C12orf76: variants seen among roughly 807,000 people sequenced by gnomAD.
C12orf76 encodes uncharacterized protein C12orf76.
Under a neutral mutation model 6.8 loss-of-function variants are expected in C12orf76, and 6 were observed. The ratio of observed to expected loss-of-function variants is 0.88; its 90% CI spans 0.48 to 1.73. C12orf76 has a LOEUF of 1.73. C12orf76 is among the 40% of genes most tolerant of loss of function. The pLI is 0.01. For missense variants in C12orf76, 99 were observed against 98.2 expected (o/e 1.01, Z -0.03); for synonymous variants, 56 against 43.7 (o/e 1.28, Z -1.11).
upstream of C12orf76, among the ~76,000 whole-genome samples, chr12:110,068,286 GAAGAAGA>G (rs1892909912): frequency 7.0e-6 from 1 of 143,390 alleles, no homozygotes; most frequent in African/African-American, 2.5e-5. Flanking sequence ...AGAAGAAGAA[GAAGAAGA>G]AGAAGAAGAA....
upstream of C12orf76, among the ~76,000 whole-genome samples, chr12:110,068,322 GAA>G (rs1566080303): frequency 2.7e-3 from 375 of 139,266 alleles, 4 homozygotes; most frequent in African/African-American, 8.7e-3. Flanking sequence ...AGAAGAAGAA[GAA>G]GAAGAAGGCG....
intron 1 of C12orf76, among the ~76,000 whole-genome samples, chr12:110,047,755 T>C (rs551475528): frequency 3.9e-5 from 6 of 152,336 alleles, no homozygotes; most frequent in Admixed American, 3.3e-4. Context: ...AATTCGCGTA[T>C]ACAAAGTGCG....
exon 3 of C12orf76, chr12:110,059,064 G>A (rs1389022458): frequency 9.0e-6 from 14 of 1,551,560 alleles, no homozygotes; most frequent in Middle Eastern, 1.7e-4. Flanking sequence ...AAACAGCAGC[G>A]CCAGCTCTGA....
exon 1 of C12orf76, chr12:110,073,495 TG>T: frequency 1.9e-6 from 1 of 522,150 alleles, no homozygotes; most frequent in Non-Finnish European, 3.8e-6. Context: ...CGGGCGACTT[TG>T]TTTGTCTCAT....
At position 110,061,698 on chromosome 12, in the gene C12orf76, A is replaced by G. The variant is rs927303862; in HGVS notation, n.381-2535T>C. On this transcript the variant is annotated intron_variant and non_coding_transcript_variant, in intron 2 of 4. Coordinates refer to the C12orf76 transcript ENST00000309050. ...ATTACAGGCATCTGCCCCCACGCTC[A>G]GCTAATTTTTGTAGTTTTTAGTAGA... 3.9e-5 allele frequency among the ~76,000 whole-genome samples: 6 copies of G among 152,036 alleles called. No homozygotes were observed. The South Asian group carries it at 1.2e-3, about 32-fold the overall frequency.
intron 3 of C12orf76, chr12:110,058,935 C>CA: frequency 6.8e-7 from 1 of 1,475,134 alleles, no homozygotes; most frequent in Non-Finnish European, 9.0e-7. Context: ...TACTCCCCCC[C>CA]ACCAAAAAAA....
upstream of C12orf76, among the ~76,000 whole-genome samples, chr12:110,053,942 G>C (rs932694361): frequency 6.6e-6 from 1 of 152,038 alleles, no homozygotes; most frequent in African/African-American, 2.4e-5. Flanking sequence ...AAATTAGCTG[G>C]GTGTGGTGGC....
At chr12:110,067,487 T>C in intron 1 of C12orf76, 1 of 985,428 alleles carries the variant, frequency 1.0e-6, no homozygotes, top group Non-Finnish European at 1.2e-6. Flanking sequence ...TTTGTCTGCC[T>C]ACCCTCCTCA....
upstream of C12orf76, among the ~76,000 whole-genome samples, chr12:110,068,251 A>AAGAAGAAGAAGAAGAAG (rs1892903106): frequency 3.9e-5 from 1 of 25,594 alleles, no homozygotes; most frequent in African/African-American, 1.8e-4. Flanking sequence ...AAGAAGAAAG[A>AAGAAGAAGAAGAAGAAG]AGAAGAAGAA....
At position 110,042,325 on chromosome 12, in the gene C12orf76, A is replaced by G. The variant is rs888170138; in HGVS notation, c.*49T>C. 4.6e-6 allele frequency: 7 copies of G among 1,526,666 alleles called. No homozygotes were observed. The highest frequency in any genetic ancestry group is 6.4e-6 in the Non-Finnish European group (7 of 1,101,432). 94.6% of individuals were successfully genotyped at this position (1,526,666 alleles called of 1,614,324 possible). A position where few individuals can be genotyped will look rare whatever the true frequency, so the allele number is the denominator to read the frequency against. On this transcript the variant is annotated 3_prime_UTR_variant, in exon 2 of 2. Coordinates refer to ENST00000615315, the MANE Select transcript of C12orf76 (RefSeq NM_001389625.1). ...CAACTTCTCCACTGGCCTGTGTGCA[A>G]CACAACTTATCCTATTCCCAAATAC...
intron 2 of C12orf76, chr12:110,059,295 G>A (rs1892729880): frequency 4.5e-6 from 5 of 1,117,010 alleles, no homozygotes; most frequent in African/African-American, 1.6e-5. Context: ...CTCCATATAT[G>A]GGATTGTGCC....
intron 1 of C12orf76, among the ~76,000 whole-genome samples, chr12:110,066,758 G>A (rs1352606070): frequency 6.6e-6 from 1 of 152,146 alleles, no homozygotes; most frequent in Admixed American, 6.5e-5. Context: ...CTGGTGTCTG[G>A]TGCCTCCCCG....
upstream of C12orf76, among the ~76,000 whole-genome samples, chr12:110,053,585 A>G (rs1187613199): frequency 2.0e-5 from 3 of 152,176 alleles, no homozygotes; most frequent in Non-Finnish European, 4.4e-5. Context: ...GATAGCTCAT[A>G]TTTGTCAATA....
chr12:110,047,401 C>A (rs1445030425), intron 1 of C12orf76, among the ~76,000 whole-genome samples: 2 of 152,150 alleles, frequency 1.3e-5, no homozygotes, highest in Non-Finnish European at 2.9e-5. Flanking sequence ...AAAAATAGAG[C>A]TGCAACATCA....
intron 1 of C12orf76, among the ~76,000 whole-genome samples, chr12:110,047,258 G>T (rs980605941): frequency 6.6e-6 from 1 of 152,144 alleles, no homozygotes; most frequent in Non-Finnish European, 1.5e-5. Flanking sequence ...CAGCGTGTGT[G>T]TGTGTTGAAG....
intron 4 of C12orf76, among the ~76,000 whole-genome samples, chr12:110,055,407 A>AT (rs1311447105): frequency 2.0e-5 from 3 of 152,052 alleles, no homozygotes; most frequent in African/African-American, 7.2e-5. Flanking sequence ...GGGTTTCACC[A>AT]TGTTGGCCAA....
chr12:110,043,649 C>A (rs1312162345), intron 1 of C12orf76, among the ~76,000 whole-genome samples: 1 of 151,554 alleles, frequency 6.6e-6, no homozygotes, highest in East Asian at 1.9e-4. Flanking sequence ...GTCAGGAGTT[C>A]GAGACCAGCC....
chr12:110,059,946 T>G (rs1373061784), intron 2 of C12orf76, among the ~76,000 whole-genome samples: 1 of 152,226 alleles, frequency 6.6e-6, no homozygotes, highest in Non-Finnish European at 1.5e-5. Context: ...GAACAAGCTT[T>G]CCTTGTGGTT....
At chr12:110,049,336 G>A (rs1460427294), upstream of C12orf76, 1 of 152,588 alleles carries the variant, frequency 6.6e-6, no homozygotes, top group African/African-American at 2.4e-5. Flanking sequence ...CGTGTGTGAA[G>A]AGACCACCAA....
Sources: gnomAD v4.1 joint callset for allele counts (sites outside exome capture counted in the v4.1 genomes callset) on GRCh38, gnomAD v4.1.1 for gene constraint, MANE v1.5 for transcripts, NCBI Gene and HGNC (gene_info 2026-07-23, HGNC 2026-07-21) for gene names.